The following PREX1 variants were observed in gnomAD, a reference collection of about 807,000 sequenced individuals.
PREX1 encodes the protein phosphatidylinositol 3,4,5-trisphosphate-dependent Rac exchanger 1 protein.
In PREX1, 41 loss-of-function variants were observed where a neutral mutation model predicts 198.3. The observed-to-expected ratio is 0.21, with a 90% CI of 0.16 to 0.27. The LOEUF is 0.27. Among genes scored for constraint, PREX1 ranks in the 10% least tolerant of loss-of-function variants. The probability of loss-of-function intolerance (pLI) is 1.00; values close to 1 mark genes in which losing one functional copy is unlikely to be tolerated. For missense variants in PREX1, 1,620 were observed against 2,200.7 expected (o/e 0.74, Z 5.28); for synonymous variants, 843 against 887.2 (o/e 0.95, Z 0.89).
Position 48,824,334 on chromosome 20 carries a change from C to T in PREX1, c.219+3308G>A, listed in dbSNP as rs562353092. ...GATTCTCAAGGAACCACAAAGCCCT[C>T]GGCCTGGAACCAAACAAAACCACTG... On this transcript the variant is annotated intron_variant, in intron 1 of 39. Coordinates refer to ENST00000371941, the MANE Select transcript of PREX1 (RefSeq NM_020820.4). Among the ~76,000 whole-genome samples, 19 of 152,272 alleles carry T rather than the reference C, an allele frequency of 1.2e-4. 1 individual carries two copies. The South Asian group carries it at 3.7e-3, about 30-fold the overall frequency.
At chr20:48,651,342 AAACTG>A in intron 22 of PREX1, 49 bp downstream of exon 22, 1 of 1,530,614 alleles carries the variant, frequency 6.5e-7, no homozygotes, top group Non-Finnish European at 8.8e-7. Context: ...TTGATAAGAG[AAACTG>A]GCTTCAATCC....
chr20:48,683,451 T>C (rs2089765235), intron 10 of PREX1, among the ~76,000 whole-genome samples: 1 of 152,254 alleles, frequency 6.6e-6, no homozygotes. Flanking sequence ...ACCTGGGAAG[T>C]GGCTCACTCA....
chr20:48,880,053 T>C, the PREX1 span, among the ~76,000 whole-genome samples: 1 of 152,246 alleles, frequency 6.6e-6, no homozygotes, highest in Non-Finnish European at 1.5e-5. Context: ...ATGGATTTCC[T>C]TCCTGATTCA....
intron 14 of PREX1, among the ~76,000 whole-genome samples, chr20:48,675,835 G>C (rs188187636): frequency 2.6e-5 from 4 of 152,134 alleles, no homozygotes; most frequent in Non-Finnish European, 4.4e-5. Context: ...TCAGGAGTTC[G>C]AGACCAGCCT....
At chr20:48,746,458 G>C (rs1008360354) in intron 2 of PREX1, among the ~76,000 whole-genome samples, 2 of 152,224 alleles carry the variant, frequency 1.3e-5, no homozygotes, top group African/African-American at 4.8e-5. Flanking sequence ...CAATGAAAAA[G>C]AGTGAACCAC....
chr20:48,831,102 C>T (rs2090536261), upstream of PREX1, among the ~76,000 whole-genome samples: 1 of 152,148 alleles, frequency 6.6e-6, no homozygotes, highest in Non-Finnish European at 1.5e-5. Flanking sequence ...TCCTCCCAAG[C>T]TTTAGGGCCT....
chr20:48,672,653 T>C (rs2089683711), intron 14 of PREX1, among the ~76,000 whole-genome samples: 3 of 152,234 alleles, frequency 2.0e-5, no homozygotes, highest in African/African-American at 4.8e-5. Flanking sequence ...CAGACATACC[T>C]GGCTCGCTCT....
intron 1 of PREX1, among the ~76,000 whole-genome samples, chr20:48,786,817 A>AAGAG (rs34723760): frequency 0.65 from 90,453 of 139,944 alleles, 28,229 homozygotes; most frequent in African/African-American, 0.75. Flanking sequence ...GAAGGAAAGA[A>AAGAG]AAAGAGAGAG....
At chr20:48,676,325 G>A (rs989956457) in intron 13 of PREX1, 57 bp from the exon 14 acceptor site, 3 of 1,542,362 alleles carry the variant, frequency 1.9e-6, no homozygotes, top group Admixed American at 3.3e-5. Context: ...CAGAGGTGGG[G>A]GTGGTCCTGA....
At chr20:48,743,414 G>A (rs6066838) in intron 3 of PREX1, among the ~76,000 whole-genome samples, 10,780 of 152,128 alleles carry the variant, frequency 0.071, 477 homozygotes, top group South Asian at 0.18. Context: ...CACTTGGTGG[G>A]GTAACCTCTT....
intron 1 of PREX1, among the ~76,000 whole-genome samples, chr20:48,785,344 A>G (rs1319054923): frequency 6.6e-6 from 1 of 152,202 alleles, no homozygotes; most frequent in East Asian, 1.9e-4. Flanking sequence ...CCGCTCCCAC[A>G]CCTGTGATGG....
chr20:48,832,027 C>G (rs2123103834), upstream of PREX1, among the ~76,000 whole-genome samples: 1 of 152,094 alleles, frequency 6.6e-6, no homozygotes, highest in Middle Eastern at 3.4e-3. Context: ...TAGTGGGGAG[C>G]CTATCTGTCT....
chr20:48,648,185 G>T (rs1205022112), intron 25 of PREX1, among the ~76,000 whole-genome samples: 1 of 152,182 alleles, frequency 6.6e-6, no homozygotes, highest in East Asian at 1.9e-4. Flanking sequence ...GAAATTACAG[G>T]CATGAGCCAC....
At chr20:48,763,983 A>C (rs2090196365) in intron 1 of PREX1, among the ~76,000 whole-genome samples, 3 of 152,218 alleles carry the variant, frequency 2.0e-5, no homozygotes, top group Admixed American at 1.3e-4. Flanking sequence ...CGGCAGCCTC[A>C]GAGCATGCAG....
chr20:48,629,391 C>T lies in PREX1; in HGVS notation c.4766+58G>A, dbSNP rs568178712. 8.1e-5 allele frequency: 129 copies of T among 1,583,484 alleles called. No individual in the cohort carries two copies. The South Asian group carries it at 1.4e-3, about 17-fold the overall frequency. Reference sequence around the variant, plus strand: ...TGCCTCCTTGCCACAGGACCCCAAACTGACCAGAAGCTAGGCCAGCCCCTC... The same window carrying T: ...TGCCTCCTTGCCACAGGACCCCAAATTGACCAGAAGCTAGGCCAGCCCCTC... On this transcript the variant is annotated intron_variant, in intron 37 of 39. Coordinates refer to ENST00000371941, the MANE Select transcript of PREX1 (RefSeq NM_020820.4).
chr20:48,806,482 T>C (rs2090412323), intron 1 of PREX1, among the ~76,000 whole-genome samples: 1 of 152,224 alleles, frequency 6.6e-6, no homozygotes, highest in South Asian at 2.1e-4. Context: ...ACAGCTAACA[T>C]AATTAAGCAT....
intron 1 of PREX1, among the ~76,000 whole-genome samples, chr20:48,811,115 G>A (rs889846527): frequency 1.3e-5 from 2 of 152,142 alleles, no homozygotes; most frequent in African/African-American, 4.8e-5. Context: ...TTACTAAGAA[G>A]CCAGAAATAA....
chr20:48,844,606 G>T, the PREX1 span, among the ~76,000 whole-genome samples: 1 of 152,150 alleles, frequency 6.6e-6, no homozygotes, highest in Non-Finnish European at 1.5e-5. Flanking sequence ...GACTTGTTCT[G>T]CTCTTGTGGC....
intron 6 of PREX1, among the ~76,000 whole-genome samples, chr20:48,702,516 T>C (rs2089880609): frequency 6.6e-6 from 1 of 152,244 alleles, no homozygotes; most frequent in African/African-American, 2.4e-5. Context: ...GTGCCAGGTG[T>C]GGTCACATGA....
Sources: allele counts gnomAD v4.1 joint callset (sites outside exome capture counted in the v4.1 genomes callset), GRCh38; gene constraint gnomAD v4.1.1; transcripts MANE v1.5; gene names NCBI Gene and HGNC (gene_info 2026-07-23, HGNC 2026-07-21).